Variants in PELI2 observed in about 807,000 individuals in gnomAD.
PELI2 encodes pellino E3 ubiquitin protein ligase family member 2, also known as E3 ubiquitin-protein ligase pellino homolog 2.
PELI2 carries 23 observed loss-of-function variants against 42.3 expected under a neutral mutation model. The ratio of observed to expected loss-of-function variants is 0.54; its 90% CI spans 0.39 to 0.77. PELI2 has a LOEUF of 0.77. Among genes scored for constraint, PELI2 ranks in the 30% least tolerant of loss-of-function variants. PELI2 has a pLI of 0.00. For synonymous variants in PELI2, 245 were observed against 212.2 expected (o/e 1.15, Z -1.34); for missense variants, 463 against 553.2 (o/e 0.84, Z 1.64).
rs1221590580 is a variant in PELI2, at chr14:56,273,988, AG to A, written c.208-5687del. 6.6e-6 allele frequency among the ~76,000 whole-genome samples: 1 copy of A among 152,164 alleles called. No homozygotes were observed. Among genetic ancestry groups the A allele is most frequent in the Admixed American group, 6.5e-5 (1 of 15,274 alleles). ...CTCACGTTGCAAGGTGGTCTACTTC[AG>A]CTCCAAACATCATGTCATATTTTAG... On this transcript the variant is annotated intron_variant, in intron 2 of 5. Coordinates refer to ENST00000267460, the MANE Select transcript of PELI2 (RefSeq NM_021255.3). This position sits in a 1 kb window ranked among gnomAD's most constrained non-coding sequence, Gnocchi z 4.3.
intron 2 of PELI2, among the ~76,000 whole-genome samples, chr14:56,213,674 G>A (rs1415602685): frequency 6.6e-6 from 1 of 152,324 alleles, no homozygotes; most frequent in Admixed American, 6.5e-5. Context: ...TAAGCCAGTG[G>A]TAGGGAGGCA....
intron 2 of PELI2, among the ~76,000 whole-genome samples, chr14:56,266,225 A>G (rs918949514): frequency 6.6e-6 from 1 of 152,038 alleles, no homozygotes; most frequent in Non-Finnish European, 1.5e-5. Context: ...ACTATAAAGT[A>G]AAATCCAAAA....
chr14:56,246,628 G>T (rs1382109683), intron 2 of PELI2, among the ~76,000 whole-genome samples: 1 of 152,088 alleles, frequency 6.6e-6, no homozygotes, highest in Non-Finnish European at 1.5e-5. Context: ...GGCCAACTGT[G>T]TACCAGGAAG....
At chr14:56,151,493 G>GCTTAATAA (rs1463893845) in intron 1 of PELI2, among the ~76,000 whole-genome samples, 4 of 152,180 alleles carry the variant, frequency 2.6e-5, no homozygotes, top group Admixed American at 6.5e-5. Context: ...AATGCATTGT[G>GCTTAATAA]TGACCTTAAT....
In PELI2 at chr14:56,193,282, G is replaced by A. The variant is rs190794368; in HGVS notation, c.207+14818G>A. On this transcript the variant is annotated intron_variant, in intron 2 of 5. Coordinates refer to ENST00000267460, the MANE Select transcript of PELI2 (RefSeq NM_021255.3). ...TGAGATGCCCCCAGATGGGAGTATG[G>A]GCTGGAAGAAATGCTGATTTTCTCT... Among the ~76,000 whole-genome samples the A allele has an allele frequency of 1.5e-3, 230 of 152,286 alleles. 1 individual carries two copies. The highest frequency in any genetic ancestry group is 2.6e-3 in the Non-Finnish European group (178 of 68,020).
chr14:56,137,308 A>T (rs749223751), intron 1 of PELI2, among the ~76,000 whole-genome samples: 14 of 152,140 alleles, frequency 9.2e-5, no homozygotes, highest in Non-Finnish European at 1.8e-4. Context: ...TGGGTAACAG[A>T]GAAAAAAATG....
At position 56,282,248 on chromosome 14, in the gene PELI2, A is replaced by G. The variant is rs1488999173; in HGVS notation, c.309+2471A>G. On this transcript the variant is annotated intron_variant, in intron 3 of 5. Transcript: ENST00000267460. ...ATAAAACAGAACAAAGAAAAGCTGTATATATAGCCACAGAAAGAGCTCCAA... is the reference window on the plus strand; with the variant it reads ...ATAAAACAGAACAAAGAAAAGCTGTGTATATAGCCACAGAAAGAGCTCCAA... Among the ~76,000 whole-genome samples, 9 of 152,284 alleles carry G rather than the reference A, an allele frequency of 5.9e-5. 2 individuals are homozygous for G. The Middle Eastern group carries it at 0.027, about 460-fold the overall frequency.
intron 2 of PELI2, among the ~76,000 whole-genome samples, chr14:56,184,278 A>G (rs557281579): frequency 8.9e-4 from 136 of 152,208 alleles, no homozygotes; most frequent in Non-Finnish European, 1.4e-3. Context: ...AAATGGACAG[A>G]TTTATTTGAC....
rs535496694 is a variant in PELI2, at chr14:56,283,781, C to T, written c.309+4004C>T. ...GTATGGTAAGCCAAGCAAGAATTCA[C>T]ATGTTTCTTAAGGAAATATAACACA... On this transcript the variant is annotated intron_variant, in intron 3 of 5. Transcript: ENST00000267460. 7.2e-5 allele frequency among the ~76,000 whole-genome samples: 11 copies of T among 152,342 alleles called. No individual in the cohort carries two copies. The East Asian group carries it at 1.7e-3, about 24-fold the overall frequency.
At chr14:56,238,267 CA>C (rs1566657610) in intron 2 of PELI2, among the ~76,000 whole-genome samples, 1 of 152,098 alleles carries the variant, frequency 6.6e-6, no homozygotes, top group Non-Finnish European at 1.5e-5. Flanking sequence ...TTATATTTTA[CA>C]GAGGAATTTC....
chr14:56,166,385 A>G (rs1884963838), intron 1 of PELI2, among the ~76,000 whole-genome samples: 1 of 152,202 alleles, frequency 6.6e-6, no homozygotes, highest in African/African-American at 2.4e-5. Flanking sequence ...CTTTCTACTT[A>G]GGATAAGAGT....
intron 1 of PELI2, among the ~76,000 whole-genome samples, chr14:56,169,346 G>A (rs1885087383): frequency 6.6e-6 from 1 of 152,210 alleles, no homozygotes; most frequent in Admixed American, 6.5e-5. Context: ...TCCCTTGGTG[G>A]TGAGGTTTGC....
intron 1 of PELI2, among the ~76,000 whole-genome samples, chr14:56,124,256 G>A (rs745387601): frequency 1.3e-5 from 2 of 152,194 alleles, no homozygotes; most frequent in South Asian, 2.1e-4. Flanking sequence ...TTGAGGGTAT[G>A]TGGCCAGTAA....
chr14:56,130,261 T>C (rs1883435453), intron 1 of PELI2, among the ~76,000 whole-genome samples: 1 of 152,152 alleles, frequency 6.6e-6, no homozygotes, highest in Non-Finnish European at 1.5e-5. Context: ...TTTAAATGTT[T>C]AGCAAGGGAG....
intron 2 of PELI2, among the ~76,000 whole-genome samples, chr14:56,222,770 T>C (rs1887192197): frequency 6.6e-6 from 1 of 152,182 alleles, no homozygotes; most frequent in African/African-American, 2.4e-5. Flanking sequence ...GACGCTAGGC[T>C]GTGTGGCGCA....
chr14:56,166,559 A>T (rs1239679508), intron 1 of PELI2, among the ~76,000 whole-genome samples: 1 of 152,170 alleles, frequency 6.6e-6, no homozygotes, highest in Non-Finnish European at 1.5e-5. Flanking sequence ...GGGGTCTGGT[A>T]TTGATGAAAT....
chr14:56,217,070 CAG>C (rs1256398949), intron 2 of PELI2, among the ~76,000 whole-genome samples: 1 of 56,412 alleles, frequency 1.8e-5, no homozygotes, highest in African/African-American at 4.1e-5. Flanking sequence ...TGTTTCCAAA[CAG>C]ACTGTTGTTT....
At chr14:56,233,526 T>C (rs761218310) in intron 2 of PELI2, among the ~76,000 whole-genome samples, 29 of 152,132 alleles carry the variant, frequency 1.9e-4, no homozygotes, top group Non-Finnish European at 2.2e-4. Flanking sequence ...GTTTAATAAA[T>C]GGTGCTGGGA....
intron 2 of PELI2, among the ~76,000 whole-genome samples, chr14:56,214,555 C>G (rs1886830151): frequency 6.6e-6 from 1 of 152,116 alleles, no homozygotes; most frequent in Admixed American, 6.5e-5. Flanking sequence ...TCTTGGTTCT[C>G]TTAGTAGGAA....
Sources: allele counts gnomAD v4.1 joint callset (sites outside exome capture counted in the v4.1 genomes callset), GRCh38; gene constraint gnomAD v4.1.1; non-coding constraint Gnocchi (gnomAD v3.1); transcripts MANE v1.5; gene names NCBI Gene and HGNC (gene_info 2026-07-23, HGNC 2026-07-21).